The following EIF3K variants were observed in gnomAD, a reference collection of about 807,000 sequenced individuals.
EIF3K encodes eukaryotic translation initiation factor 3 subunit K, also known as eIF-3 p28.
A neutral mutation model predicts 34.2 loss-of-function variants in EIF3K; 27 were observed. The observed-to-expected ratio is 0.79, with a 90% CI of 0.58 to 1.09. The LOEUF (loss-of-function observed/expected upper bound fraction) is 1.09, where lower values mean the gene tolerates loss of function less well. EIF3K is among the 50% of genes least tolerant of loss of function. The probability of loss-of-function intolerance (pLI) is 0.00; values close to 1 mark genes in which losing one functional copy is unlikely to be tolerated. For synonymous variants in EIF3K, 105 were observed against 105.7 expected, an observed-to-expected ratio of 0.99 and a Z score of 0.04; for missense variants, 232 against 275.4, an observed-to-expected ratio of 0.84 and a Z score of 1.11.
chr19:38,619,441 ATCC>A (rs1348290874), intron 1 of EIF3K, 114 bp downstream of exon 1: 9 of 1,185,618 alleles, frequency 7.6e-6, no homozygotes, highest in African/African-American at 7.6e-5. Context: ...GGGTTTCTCT[ATCC>A]TCCTGGAGGA....
At chr19:38,626,334 G>GC (rs1393372641) in intron 4 of EIF3K, 1 of 577,478 alleles carries the variant, frequency 1.7e-6, no homozygotes, top group Non-Finnish European at 3.1e-6. Context: ...TTTCCACTGA[G>GC]CCCTCTAGTA....
At chr19:38,635,164 C>T (rs1976163740) in intron 7 of EIF3K, 46 bp downstream of exon 7, 1 of 1,612,702 alleles carries the variant, frequency 6.2e-7, no homozygotes, top group Non-Finnish European at 8.5e-7. Flanking sequence ...AAGGGGGTGC[C>T]CCTCAAGGGA....
At chr19:38,636,763 T>C (rs1331447950) in intron 7 of EIF3K, 126 bp from the exon 8 acceptor site, 32 of 1,104,582 alleles carry the variant, frequency 2.9e-5, no homozygotes, top group Non-Finnish European at 4.1e-5. Flanking sequence ...ACTGCCTTTG[T>C]GATGGTAACT....
intron 4 of EIF3K, among the ~76,000 whole-genome samples, chr19:38,627,560 A>C (rs568299340): frequency 3.9e-5 from 6 of 152,012 alleles, no homozygotes; most frequent in East Asian, 3.9e-4. Flanking sequence ...GCTGCTCGGG[A>C]GGCTGAGGCA....
chr19:38,630,343 ATTTATTTTTTTT>A (rs1976036233), intron 4 of EIF3K, among the ~76,000 whole-genome samples: 1 of 131,694 alleles, frequency 7.6e-6, no homozygotes, highest in African/African-American at 2.7e-5. Flanking sequence ...TTATTTATTT[ATTTATTTTTTTT>A]TTTTTTTGAG....
At chr19:38,627,917 T>G (rs1259501512) in intron 4 of EIF3K, among the ~76,000 whole-genome samples, 4 of 151,628 alleles carry the variant, frequency 2.6e-5, no homozygotes, top group East Asian at 3.9e-4. Flanking sequence ...TTTTTTTTTT[T>G]TGTTTGAGAC....
chr19:38,624,347 C>A, intron 3 of EIF3K, 150 bp downstream of exon 3: 1 of 1,270,146 alleles, frequency 7.9e-7, no homozygotes, highest in Non-Finnish European at 1.1e-6. Context: ...AGTGCTGGGA[C>A]ACTGGTGACT....
chr19:38,632,342 G>A (rs901900900), intron 4 of EIF3K, 88 bp from the exon 5 acceptor site: 51 of 1,303,558 alleles, frequency 3.9e-5, no homozygotes, highest in Non-Finnish European at 5.3e-5. Context: ...CCTGGGCAAC[G>A]TAGTGAGACC....
rs749679284 is a variant in EIF3K, at chr19:38,632,464, GT to G, written c.390del (p.Ile131Ter). On this transcript the variant is annotated frameshift_variant, in exon 5 of 8. Transcript: ENST00000248342. LOFTEE classifies it high-confidence loss of function. ...GATGAAAACATGGACCTCTTGGAAG[GT>G]ATAACTGGCTTTGAAGACTCTGTCC... ...ALDENMDLLE[G>X]ITGFEDSVRK... is the part of the protein sequence containing the mutation. 6.2e-7 allele frequency: 1 copy of G among 1,614,202 alleles called. No individual in the cohort carries two copies. Among genetic ancestry groups the G allele is most frequent in the Non-Finnish European group, 8.5e-7 (1 of 1,180,028 alleles).
chr19:38,628,832 A>G (rs1480269019), intron 4 of EIF3K, among the ~76,000 whole-genome samples: 5 of 151,934 alleles, frequency 3.3e-5, no homozygotes, highest in East Asian at 3.9e-4. Context: ...AAAAAAAAAA[A>G]AGAGAAAAAA....
At chr19:38,631,453 C>T (rs2144778111) in intron 4 of EIF3K, among the ~76,000 whole-genome samples, 1 of 152,310 alleles carries the variant, frequency 6.6e-6, no homozygotes, top group East Asian at 1.9e-4. Context: ...TTTTGATGTG[C>T]ATACACATAA....
intron 6 of EIF3K, among the ~76,000 whole-genome samples, chr19:38,633,652 C>T (rs950839171): frequency 6.7e-6 from 1 of 148,354 alleles, no homozygotes; most frequent in African/African-American, 2.5e-5. Context: ...GAGCTGAGAT[C>T]GCACCATTGC....
intron 1 of EIF3K, 135 bp from the exon 2 acceptor site, chr19:38,620,202 G>A: frequency 2.9e-6 from 2 of 685,070 alleles, no homozygotes. Context: ...TTCACTACCT[G>A]GATAGAGCAA....
At chr19:38,632,372 A>C (rs1976087852) in intron 4 of EIF3K, 58 bp from the exon 5 acceptor site, 3 of 1,546,630 alleles carry the variant, frequency 1.9e-6, no homozygotes, top group Non-Finnish European at 2.7e-6. Flanking sequence ...TAAATAAATA[A>C]AAATAAAAGC....
At chr19:38,622,216 C>G (rs1289551861) in intron 2 of EIF3K, among the ~76,000 whole-genome samples, 1 of 151,724 alleles carries the variant, frequency 6.6e-6, no homozygotes, top group East Asian at 1.9e-4. Flanking sequence ...TGTAATCCTC[C>G]TGCCTCGGCC....
chr19:38,633,730 C>CA (rs1452180483), intron 6 of EIF3K, among the ~76,000 whole-genome samples: 3 of 150,978 alleles, frequency 2.0e-5, no homozygotes, highest in African/African-American at 4.9e-5. Context: ...TGTGATGGCT[C>CA]ATACCAGTGA....
At chr19:38,632,996 G>A in intron 6 of EIF3K, 1 of 305,536 alleles carries the variant, frequency 3.3e-6, no homozygotes, top group Admixed American at 4.7e-5. Context: ...ACATGGAGGT[G>A]TCCAGTGGTG....
At chr19:38,621,038 G>A (rs948546854) in intron 2 of EIF3K, among the ~76,000 whole-genome samples, 2 of 151,878 alleles carry the variant, frequency 1.3e-5, no homozygotes, top group African/African-American at 2.4e-5. Context: ...CCAACCCTAC[G>A]AAAAAATTTA....
intron 1 of EIF3K, among the ~76,000 whole-genome samples, chr19:38,619,648 C>G (rs921956142): frequency 2.0e-5 from 3 of 152,216 alleles, no homozygotes; most frequent in African/African-American, 7.2e-5. Context: ...AATCTTGGTA[C>G]CACTCAGTCT....
Sources: gnomAD v4.1 joint callset for allele counts (sites outside exome capture counted in the v4.1 genomes callset) on GRCh38, gnomAD v4.1.1 for gene constraint, MANE v1.5 for transcripts, NCBI Gene and HGNC (gene_info 2026-07-23, HGNC 2026-07-21) for gene names.